Variants in SLC4A8 observed in about 807,000 individuals in gnomAD.
The protein encoded by SLC4A8 is solute carrier family 4 member 8.
SLC4A8 carries 40 observed loss-of-function variants against 125.0 expected under a neutral mutation model. The observed-to-expected ratio is 0.32, with a 90% confidence interval of 0.25 to 0.42. The LOEUF is 0.42. Ranked by LOEUF, SLC4A8 falls within the 10% of genes least tolerant of loss-of-function variation. The probability of loss-of-function intolerance (pLI) is 1.00; values close to 1 mark genes in which losing one functional copy is unlikely to be tolerated. For synonymous variants in SLC4A8, 456 were observed against 476.0 expected, an observed-to-expected ratio of 0.96 and a Z score of 0.55; for missense variants, 863 against 1,355.1, an observed-to-expected ratio of 0.64 and a Z score of 5.70.
intron 8 of SLC4A8, among the ~76,000 whole-genome samples, chr12:51,460,704 A>G (rs1324650711): frequency 6.6e-6 from 1 of 152,212 alleles, no homozygotes; most frequent in African/African-American, 2.4e-5. Context: ...ACATTTGTTC[A>G]AAAGGCTATT....
Position 51,455,847 on chromosome 12 carries a change from T to C in SLC4A8, c.575-1504T>C, listed in dbSNP as rs376740025. Among the ~76,000 whole-genome samples, 17 of 152,290 alleles carry C rather than the reference T, an allele frequency of 1.1e-4. No homozygotes were observed. The East Asian group carries it at 1.2e-3, about 10-fold the overall frequency. ...AAAAATGAAATTCTCATGTTCATCA[T>C]TGGAGTCACATTTTGCTAACTTTTG... On this transcript the variant is annotated intron_variant, in intron 5 of 24. Transcript: ENST00000453097.
At chr12:51,477,513 C>T (rs1362712306) in intron 16 of SLC4A8, among the ~76,000 whole-genome samples, 1 of 152,172 alleles carries the variant, frequency 6.6e-6, no homozygotes, top group African/African-American at 2.4e-5. Context: ...ATGCCAAATG[C>T]CCACAGCAGC....
At chr12:51,424,736 C>G, upstream of SLC4A8, 2 of 461,782 alleles carry the variant, frequency 4.3e-6, no homozygotes. Context: ...CCCCTCCCCG[C>G]GGTAGCCCAG....
intron 5 of SLC4A8, among the ~76,000 whole-genome samples, 174 bp from the exon 6 acceptor site, chr12:51,457,175 TCA>T (rs1435825530): frequency 6.6e-6 from 1 of 152,202 alleles, no homozygotes; most frequent in Non-Finnish European, 1.5e-5. Flanking sequence ...GTATAACTTT[TCA>T]CAGTCACTAT....
chr12:51,401,272 T>C (rs1399280930), intron 1 of SLC4A8, among the ~76,000 whole-genome samples: 1 of 152,040 alleles, frequency 6.6e-6, no homozygotes, highest in Non-Finnish European at 1.5e-5. Flanking sequence ...TATCGCGAGG[T>C]TTTCTGTATC....
intron 17 of SLC4A8, among the ~76,000 whole-genome samples, chr12:51,487,080 T>C (rs1262568951): frequency 6.6e-6 from 1 of 152,124 alleles, no homozygotes; most frequent in African/African-American, 2.4e-5. Flanking sequence ...AGGCCTAAGA[T>C]AGTCAGAAGG....
At chr12:51,436,996 T>C (rs543084436) in intron 1 of SLC4A8, among the ~76,000 whole-genome samples, 2 of 152,330 alleles carry the variant, frequency 1.3e-5, no homozygotes, top group East Asian at 1.9e-4. Context: ...TAGCAAATTA[T>C]ACAGTTTTCT....
At chr12:51,395,619 G>T (rs866091420) in intron 1 of SLC4A8, among the ~76,000 whole-genome samples, 1 of 152,290 alleles carries the variant, frequency 6.6e-6, no homozygotes, top group African/African-American at 2.4e-5. Context: ...TGCCCTTCAG[G>T]GGGAGGTGCT....
chr12:51,500,441 T>G (rs1937805575), intron 22 of SLC4A8, among the ~76,000 whole-genome samples: 2 of 152,168 alleles, frequency 1.3e-5, no homozygotes, highest in Admixed American at 1.3e-4. Context: ...TGTGAGTTTG[T>G]ATTTATATAT....
upstream of SLC4A8, among the ~76,000 whole-genome samples, chr12:51,422,899 A>C (rs1376280474): frequency 6.6e-6 from 1 of 152,042 alleles, no homozygotes; most frequent in African/African-American, 2.4e-5. Context: ...TCTCTTCTGA[A>C]TTTTTGCAAT....
At chr12:51,454,408 C>T (rs1205124641) in intron 5 of SLC4A8, among the ~76,000 whole-genome samples, 4 of 146,088 alleles carry the variant, frequency 2.7e-5, no homozygotes, top group African/African-American at 7.7e-5. Context: ...CCCGGGGAAC[C>T]AGCGTTCAGC....
intron 11 of SLC4A8, among the ~76,000 whole-genome samples, chr12:51,464,064 C>T (rs116308793): frequency 6.6e-6 from 1 of 152,130 alleles, no homozygotes; most frequent in East Asian, 1.9e-4. Context: ...CTAGGACTCT[C>T]TCTGGATGAG....
At chr12:51,478,496 T>A (rs1301697314) in intron 16 of SLC4A8, among the ~76,000 whole-genome samples, 1 of 152,170 alleles carries the variant, frequency 6.6e-6, no homozygotes, top group African/African-American at 2.4e-5. Context: ...AAGACAATCC[T>A]TTCCATTTTG....
At chr12:51,465,902 G>A (rs935915628) in intron 11 of SLC4A8, among the ~76,000 whole-genome samples, 2 of 152,092 alleles carry the variant, frequency 1.3e-5, no homozygotes, top group African/African-American at 4.8e-5. Flanking sequence ...GTACTTTCCT[G>A]GACTGCACAA....
chr12:51,422,434 C>T (rs1337786943), upstream of SLC4A8, among the ~76,000 whole-genome samples: 1 of 152,112 alleles, frequency 6.6e-6, no homozygotes, highest in Non-Finnish European at 1.5e-5. Flanking sequence ...GAGTGGTATA[C>T]TGAAGCCTCT....
At chr12:51,440,612 C>A in intron 1 of SLC4A8, 96 bp from the exon 2 acceptor site, 1 of 860,208 alleles carries the variant, frequency 1.2e-6, no homozygotes, top group East Asian at 2.8e-5. Flanking sequence ...ATTGTGTTTC[C>A]CCCGTAAGTA....
chr12:51,463,624 A>G lies in SLC4A8; in HGVS notation c.1259A>G (p.Lys420Arg). 6.2e-7 allele frequency: 1 copy of G among 1,613,508 alleles called. No individual in the cohort carries two copies. Among genetic ancestry groups the G allele is most frequent in the Non-Finnish European group, 8.5e-7 (1 of 1,179,400 alleles). ...GTCTTCTGTTAAAAGGAGAAAAGGA[A>G]AATGCCTGGAGTTCCAAATGGAAAT... The part of the protein sequence containing the change: ...PKNVPSQEKR[K>R]MPGVPNGNVC... Residue 420 changes from lysine to arginine, a missense_variant, in exon 11 of 25, where the codon AAA (lysine) becomes AGA (arginine). Physicochemically the swap from Lys to Arg is conservative, Grantham distance 26. Transcript: ENST00000453097.
At chr12:51,464,920 G>A (rs1411104821) in intron 11 of SLC4A8, among the ~76,000 whole-genome samples, 1 of 152,194 alleles carries the variant, frequency 6.6e-6, no homozygotes, top group Non-Finnish European at 1.5e-5. Context: ...CATGTTTTCT[G>A]GTAGGAAGAA....
intron 1 of SLC4A8, among the ~76,000 whole-genome samples, chr12:51,397,890 G>C (rs557761492): frequency 6.6e-6 from 1 of 152,106 alleles, no homozygotes; most frequent in African/African-American, 2.4e-5. Flanking sequence ...AACATAGTGA[G>C]ACCCCTGTCT....
Sources: gnomAD v4.1 joint callset for allele counts (sites outside exome capture counted in the v4.1 genomes callset) on GRCh38, gnomAD v4.1.1 for gene constraint, MANE v1.5 for transcripts, NCBI Gene and HGNC (gene_info 2026-07-23, HGNC 2026-07-21) for gene names.